Variants in FAM124A observed in about 807,000 individuals in gnomAD.
The protein encoded by FAM124A is family with sequence similarity 124 member A.
A neutral mutation model predicts 24.5 loss-of-function variants in FAM124A; 23 were observed. The ratio of observed to expected loss-of-function variants is 0.94; its 90% CI spans 0.68 to 1.33. The LOEUF (loss-of-function observed/expected upper bound fraction) is 1.33. Among genes scored for constraint, FAM124A ranks in the 40% most tolerant of loss-of-function variants. FAM124A has a pLI of 0.00. For synonymous variants in FAM124A, 287 were observed against 314.7 expected (o/e 0.91, Z 0.93); for missense variants, 623 against 722.8 (o/e 0.86, Z 1.58).
intron 1 of FAM124A, among the ~76,000 whole-genome samples, chr13:51,224,791 A>G (rs1338458476): frequency 6.6e-6 from 1 of 152,192 alleles, no homozygotes; most frequent in African/African-American, 2.4e-5. Context: ...CTACAAATGC[A>G]AGGAATTTAA....
Position 51,251,119 on chromosome 13 carries a change from G to T in FAM124A, c.101-349G>T, listed in dbSNP as rs565867274. Among the ~76,000 whole-genome samples the T allele has an allele frequency of 6.6e-6, 1 of 152,344 alleles. No homozygotes were observed. The highest frequency in any genetic ancestry group is 2.1e-4 in the South Asian group (1 of 4,826). Reference sequence around the variant, plus strand: ...TGCCATCTTTTCTAATGGGCCTGTTGTTCCTTCCAAGTCACTAGACTTGAC... The same window carrying T: ...TGCCATCTTTTCTAATGGGCCTGTTTTTCCTTCCAAGTCACTAGACTTGAC... On this transcript the variant is annotated intron_variant, in intron 2 of 3. Coordinates refer to ENST00000322475, the MANE Select transcript of FAM124A (RefSeq NM_001242312.2). The surrounding 1 kb of genome is among the most constrained non-coding windows in gnomAD (Gnocchi z 5.3).
intron 3 of FAM124A, among the ~76,000 whole-genome samples, chr13:51,265,195 A>C (rs1281977337): frequency 6.6e-6 from 1 of 152,174 alleles, no homozygotes; most frequent in Non-Finnish European, 1.5e-5. Context: ...GAGTCTTCCC[A>C]GGTCGGCTTG....
rs937401224 is a variant in FAM124A at position 51,280,539 on chromosome 13, T to G, written c.924T>G (p.Thr308=). 1.9e-6 allele frequency: 3 copies of G among 1,613,896 alleles called. No homozygotes were observed. The highest frequency in any genetic ancestry group is 2.5e-6 in the Non-Finnish European group (3 of 1,179,986). The change falls in exon 4 of 4, where the codon ACT becomes ACG. Residue 308 remains threonine (T), a synonymous_variant. Transcript: ENST00000322475. The part of the protein sequence containing the change: ...KKRHSTPLPS[T]AVPSHTPGSS... ...GTCATTCCACTCCTTTGCCGAGCAC[T>G]GCTGTACCAAGCCATACACCTGGCA...
chr13:51,278,661 C>T (rs1408552519), intron 3 of FAM124A, among the ~76,000 whole-genome samples: 1 of 152,146 alleles, frequency 6.6e-6, no homozygotes, highest in Non-Finnish European at 1.5e-5. Flanking sequence ...CACGTGGGCA[C>T]CCTCCAGTGA....
At chr13:51,247,574 CA>C (rs776916484) in intron 2 of FAM124A, among the ~76,000 whole-genome samples, 1 of 152,218 alleles carries the variant, frequency 6.6e-6, no homozygotes, top group Admixed American at 6.5e-5. Flanking sequence ...GTGGCCCAGG[CA>C]GCTTCTTTTC....
chr13:51,254,537 A>G (rs1164208206), intron 3 of FAM124A, among the ~76,000 whole-genome samples: 3 of 152,190 alleles, frequency 2.0e-5, no homozygotes, highest in African/African-American at 4.8e-5. Context: ...TCATGGGGGT[A>G]GGGCAGGGAG....
chr13:51,270,821 T>C (rs1187298417), intron 3 of FAM124A, among the ~76,000 whole-genome samples: 2 of 152,230 alleles, frequency 1.3e-5, no homozygotes, highest in South Asian at 4.1e-4. Flanking sequence ...TCTTCTGATG[T>C]AGGCAGCCTG....
chr13:51,252,977 C>A lies in FAM124A; in HGVS notation c.834+776C>A, dbSNP rs918333295. On this transcript the variant is annotated intron_variant, in intron 3 of 3. Transcript: ENST00000322475. Reference sequence around the variant, plus strand: ...TAGAGATAATTAGTTATACTCAATTCAAAATTCAGCATGTATATTACAGAA... The same window carrying A: ...TAGAGATAATTAGTTATACTCAATTAAAAATTCAGCATGTATATTACAGAA... 3 of 152,234 alleles carry A rather than the reference C, an allele frequency of 2.0e-5. No individual in the cohort carries two copies. In the South Asian group the frequency reaches 6.2e-4, roughly 31 times the overall value. The allele number at this position is 152,234 out of a possible 1,614,324, so 9.4% of individuals were successfully genotyped here.
chr13:51,273,263 G>GGT (rs2137706915), intron 3 of FAM124A, among the ~76,000 whole-genome samples: 1 of 152,218 alleles, frequency 6.6e-6, no homozygotes, highest in East Asian at 1.9e-4. Context: ...AGGTAGCCAG[G>GGT]GTGCTATTGG....
At chr13:51,270,522 A>G (rs1005097738) in intron 3 of FAM124A, among the ~76,000 whole-genome samples, 1 of 152,226 alleles carries the variant, frequency 6.6e-6, no homozygotes, top group African/African-American at 2.4e-5. Context: ...TGCTTTGCAG[A>G]TAATAGAATA....
intron 2 of FAM124A, among the ~76,000 whole-genome samples, chr13:51,241,987 A>T (rs887277472): frequency 6.6e-6 from 1 of 152,224 alleles, no homozygotes; most frequent in African/African-American, 2.4e-5. Flanking sequence ...AATTGTAAGG[A>T]TTCCTCCCAC....
Position 51,252,054 on chromosome 13 carries a change from G to C in FAM124A, c.687G>C (p.Gln229His). 1 of 1,614,124 alleles carries C rather than the reference G, an allele frequency of 6.2e-7. No homozygotes were observed. Among genetic ancestry groups the C allele is most frequent in the Middle Eastern group, 1.6e-4 (1 of 6,062 alleles). ...CCCTGAAAAGACTGCCCTGTGACCA[G>C]TGCCCGGTGCCCACCGACTCCTCCG... ...QFSLKRLPCD[Q>H]CPVPTDSSVL... The change falls in exon 3 of 4, where the codon CAG becomes CAC. Residue 229 changes from glutamine (Q) to histidine (H), a missense_variant. Physicochemically the swap from Gln to His is conservative, Grantham distance 24. Transcript: ENST00000322475.
intron 3 of FAM124A, among the ~76,000 whole-genome samples, chr13:51,256,152 A>C (rs1469411789): frequency 6.6e-6 from 1 of 152,196 alleles, no homozygotes; most frequent in Admixed American, 6.5e-5. Context: ...TTAAGAAGTG[A>C]CTTGGGGTCC....
At chr13:51,247,979 T>C (rs1184409542) in intron 2 of FAM124A, among the ~76,000 whole-genome samples, 9 of 152,236 alleles carry the variant, frequency 5.9e-5, no homozygotes, top group Admixed American at 5.9e-4. Flanking sequence ...ATTCTGATTG[T>C]GTTCCTAGCC....
rs1415827344 is a variant in FAM124A at position 51,272,292 on chromosome 13, C to T, written c.835-8158C>T. Among the ~76,000 whole-genome samples, 1 of 151,978 alleles carries T rather than the reference C, an allele frequency of 6.6e-6. No individual in the cohort carries two copies. The highest frequency in any genetic ancestry group is 1.5e-5 in the Non-Finnish European group (1 of 68,006). On this transcript the variant is annotated intron_variant, in intron 3 of 3. Coordinates refer to ENST00000322475, the MANE Select transcript of FAM124A (RefSeq NM_001242312.2). The surrounding 1 kb of genome is among the most constrained non-coding windows in gnomAD (Gnocchi z 4.2). ...TCTGCTCCCTACCAAATCAAGAGTC[C>T]CCAAACCACACTCCCCTCCTGCCCG... is the stretch of plus-strand genomic sequence containing the variant.
chr13:51,222,496 T>A lies in FAM124A; in HGVS notation c.-6T>A. ...CCGCAAGCCGAGCGCGGCCGGGACG[T>A]GCACCATGGACCCAAAGGCGGGCGG... On this transcript the variant is annotated 5_prime_UTR_variant, in exon 1 of 4. Coordinates refer to ENST00000322475, the MANE Select transcript of FAM124A (RefSeq NM_001242312.2). 1 of 1,225,226 alleles carries A rather than the reference T, an allele frequency of 8.2e-7. No homozygotes were observed. Among genetic ancestry groups the A allele is most frequent in the Non-Finnish European group, 1.0e-6 (1 of 985,538 alleles). 75.9% of individuals were successfully genotyped at this position (1,225,226 alleles called of 1,614,324 possible).
At chr13:51,224,381 G>A (rs1954295860) in intron 1 of FAM124A, among the ~76,000 whole-genome samples, 1 of 152,164 alleles carries the variant, frequency 6.6e-6, no homozygotes, top group Non-Finnish European at 1.5e-5. Flanking sequence ...TGAGGCAGGA[G>A]AATCGCTTGA....
At chr13:51,254,107 G>A (rs1445415473) in intron 3 of FAM124A, among the ~76,000 whole-genome samples, 1 of 152,140 alleles carries the variant, frequency 6.6e-6, no homozygotes, top group African/African-American at 2.4e-5. Flanking sequence ...GGTCTTGGGG[G>A]GAGGAGCAGT....
chr13:51,224,433 T>G (rs112659266), intron 1 of FAM124A, among the ~76,000 whole-genome samples: 11,501 of 152,072 alleles, frequency 0.076, 521 homozygotes, highest in East Asian at 0.23. Flanking sequence ...ATCACGCCAT[T>G]GCACTCCAGC....
Sources: gnomAD v4.1 joint callset for allele counts (sites outside exome capture counted in the v4.1 genomes callset) on GRCh38, gnomAD v4.1.1 for gene constraint, Gnocchi (gnomAD v3.1) non-coding constraint, MANE v1.5 for transcripts, NCBI Gene and HGNC (gene_info 2026-07-23, HGNC 2026-07-21) for gene names.